The following SMG1 variants were observed in gnomAD, a reference collection of about 807,000 sequenced individuals.
SMG1 encodes the protein serine/threonine-protein kinase SMG1.
A neutral mutation model predicts 419.9 loss-of-function variants in SMG1; 22 were observed. The ratio of observed to expected loss-of-function variants is 0.05; its 90% confidence interval spans 0.04 to 0.07. The LOEUF is 0.07. Among genes scored for constraint, SMG1 ranks in the 10% least tolerant of loss-of-function variants. The probability of loss-of-function intolerance (pLI) is 1.00; values close to 1 mark genes in which losing one functional copy is unlikely to be tolerated. For synonymous variants in SMG1, 1,538 were observed against 1,553.5 expected (o/e 0.99, Z 0.23); for missense variants, 3,185 against 4,342.0 (o/e 0.73, Z 7.49).
At chr16:18,904,636 C>CA (rs1186316366) in intron 1 of SMG1, among the ~76,000 whole-genome samples, 13 of 137,446 alleles carry the variant, frequency 9.5e-5, no homozygotes, top group South Asian at 2.4e-4. Flanking sequence ...GACTCTGTCT[C>CA]AAAAAAAAAT....
In SMG1 at chr16:18,841,552, T is replaced by A. The variant is rs2033928997; in HGVS notation, c.6696+13A>T. The A allele has an allele frequency of 6.2e-7, 1 of 1,608,874 alleles. No individual in the cohort carries two copies. The highest frequency in any genetic ancestry group is 1.1e-5 in the South Asian group (1 of 90,978). ...AGAATAGACTAATACACTGTGTAGA[T>A]GATTTAATCAACCTTTTGTGCTTGT... On this transcript the variant is annotated intron_variant, in intron 41 of 62. Coordinates refer to ENST00000446231, the MANE Select transcript of SMG1 (RefSeq NM_015092.5).
chr16:18,896,648 G>A (rs2037140305), intron 2 of SMG1, 145 bp downstream of exon 2: 4 of 592,310 alleles, frequency 6.8e-6, no homozygotes, highest in Non-Finnish European at 1.2e-5. Flanking sequence ...AATGTCCTAT[G>A]AGGTTTTCAG....
At chr16:18,838,807 A>G in intron 42 of SMG1, 118 bp from the exon 43 acceptor site, 1 of 703,006 alleles carries the variant, frequency 1.4e-6, no homozygotes, top group Non-Finnish European at 2.4e-6. Flanking sequence ...ATTTTAAAAT[A>G]AATCAACAAA....
chr16:18,913,516 A>T (rs1290717445), intron 1 of SMG1, among the ~76,000 whole-genome samples: 2 of 152,080 alleles, frequency 1.3e-5, no homozygotes, highest in African/African-American at 4.8e-5. Flanking sequence ...AAATGTTAGC[A>T]ATGTTATCAA....
chr16:18,817,251 C>T (rs2032097988), intron 57 of SMG1, 40 bp downstream of exon 57: 2 of 1,535,512 alleles, frequency 1.3e-6, no homozygotes, highest in Non-Finnish European at 1.8e-6. Flanking sequence ...TAGTATAACA[C>T]TAGCCTTATT....
At chr16:18,812,195 G>A (rs1302582536) in intron 60 of SMG1, 68 bp from the exon 61 acceptor site, 3 of 1,479,322 alleles carry the variant, frequency 2.0e-6, no homozygotes, top group Non-Finnish European at 2.8e-6. Flanking sequence ...AGTGGAGCAA[G>A]CACGGGATAG....
Position 18,863,655 on chromosome 16 carries a change from A to G in SMG1, c.3690T>C (p.Tyr1230=). 1 of 1,594,010 alleles carries G rather than the reference A, an allele frequency of 6.3e-7. No homozygotes were observed. The highest frequency in any genetic ancestry group is 8.5e-7 in the Non-Finnish European group (1 of 1,177,578). The change falls in exon 25 of 63, where the codon TAT becomes TAC. Residue 1230 remains tyrosine (Y), a synonymous_variant. Coordinates refer to ENST00000446231, the MANE Select transcript of SMG1 (RefSeq NM_015092.5). The part of the protein sequence containing the change: ...TSLNLKADFN[Y]IKSLSSFESG... ...CTGGAAAAAGTAAGCCTTACTTTAT[A>G]TAGTTGAAGTCAGCTTTCAGGTTGA...
Position 18,815,272 on chromosome 16 carries a change from A to T in SMG1, c.10524T>A (p.Asn3508Lys), listed in dbSNP as rs2031896859. 1.3e-6 allele frequency: 2 copies of T among 1,576,140 alleles called. No individual in the cohort carries two copies. The highest frequency in any genetic ancestry group is 2.3e-5 in the South Asian group (2 of 86,214). ...ELKTQSQSIY[N>K]NLVSFASPLV... is the part of the protein sequence containing the mutation. ...AGGGTGATGCAAAACTCACTAAATT[A>T]TTATAGATACTGAAATACAAAATAA... The change falls in exon 60 of 63, where the codon AAT becomes AAA. Residue 3508 changes from asparagine (N) to lysine (K), a missense_variant. By Grantham distance (94) the Asn-to-Lys change is moderately conservative (BLOSUM62 0). Around this residue, in one of 27 missense-constraint regions of SMG1, gnomAD observed 737 missense variants for 846.6 expected, o/e 0.87. Transcript: ENST00000446231.
intron 6 of SMG1, among the ~76,000 whole-genome samples, chr16:18,885,924 C>A (rs2036593608): frequency 6.6e-6 from 1 of 151,736 alleles, no homozygotes; most frequent in Non-Finnish European, 1.5e-5. Flanking sequence ...CCAGCCTGGA[C>A]AATACAGCCA....
intron 22 of SMG1, among the ~76,000 whole-genome samples, 198 bp from the exon 23 acceptor site, chr16:18,866,973 T>C (rs2035545991): frequency 6.6e-6 from 1 of 152,156 alleles, no homozygotes; most frequent in Non-Finnish European, 1.5e-5. Context: ...AACAGAACCT[T>C]AGCAGCACAT....
rs1291022510 is a variant in SMG1 at position 18,805,959 on chromosome 16, G to A, written c.*3610C>T. 1 of 152,556 alleles carries A rather than the reference G, an allele frequency of 6.6e-6. No homozygotes were observed. The highest frequency in any genetic ancestry group is 1.5e-5 in the Non-Finnish European group (1 of 68,030). 9.5% of individuals were successfully genotyped at this position (152,556 alleles called of 1,614,324 possible). On this transcript the variant is annotated 3_prime_UTR_variant, in exon 63 of 63. Coordinates refer to ENST00000446231, the MANE Select transcript of SMG1 (RefSeq NM_015092.5). ...TATGAAAATAATTGGGAGAAAAGAAGAACCAGCTCCTTTGATTTCAGTACT... is the reference window on the plus strand; with the variant it reads ...TATGAAAATAATTGGGAGAAAAGAAAAACCAGCTCCTTTGATTTCAGTACT...
intron 10 of SMG1, among the ~76,000 whole-genome samples, chr16:18,881,060 G>A (rs890961980): frequency 2.7e-5 from 4 of 150,280 alleles, no homozygotes; most frequent in African/African-American, 4.9e-5. Flanking sequence ...CAAGATTACA[G>A]TGAGCTATGA....
intron 1 of SMG1, among the ~76,000 whole-genome samples, chr16:18,900,365 A>G (rs558255850): frequency 6.6e-6 from 1 of 152,340 alleles, no homozygotes; most frequent in Non-Finnish European, 1.5e-5. Context: ...CAAATCTAGG[A>G]GGCCATTCGT....
intron 51 of SMG1, among the ~76,000 whole-genome samples, chr16:18,832,694 A>G (rs1247260822): frequency 6.6e-6 from 1 of 152,122 alleles, no homozygotes; most frequent in Non-Finnish European, 1.5e-5. Context: ...GTTACTATAG[A>G]TACTAACACT....
chr16:18,814,604 T>G (rs1051843372), intron 60 of SMG1, among the ~76,000 whole-genome samples: 1 of 152,130 alleles, frequency 6.6e-6, no homozygotes, highest in Non-Finnish European at 1.5e-5. Context: ...AGACAGAGTC[T>G]TGCTCTGTCA....
chr16:18,829,233 T>G, intron 54 of SMG1, 53 bp downstream of exon 54: 1 of 1,435,618 alleles, frequency 7.0e-7, no homozygotes, highest in Admixed American at 2.5e-5. Context: ...ATTTCCCCCA[T>G]TTTTCAAGTT....
At chr16:18,900,270 A>T (rs539431397) in intron 1 of SMG1, among the ~76,000 whole-genome samples, 3 of 152,358 alleles carry the variant, frequency 2.0e-5, no homozygotes, top group East Asian at 3.9e-4. Flanking sequence ...AGAGAATTTA[A>T]ATGTTAACTG....
In SMG1 at chr16:18,808,365, A is replaced by C. The variant is rs1186047766; in HGVS notation, c.*1204T>G. On this transcript the variant is annotated 3_prime_UTR_variant, in exon 63 of 63. Coordinates refer to ENST00000446231, the MANE Select transcript of SMG1 (RefSeq NM_015092.5). ...TCCTAAAATGCCAAGTAAATTAAAC[A>C]ACTTTTAATTTACTAAGTGTAAATT... The C allele has an allele frequency of 5.9e-5, 9 of 152,232 alleles. No individual in the cohort carries two copies. Among genetic ancestry groups the C allele is most frequent in the Admixed American group, 5.9e-4 (9 of 15,282 alleles). The allele number at this position is 152,232 out of a possible 1,614,324, so 9.4% of individuals were successfully genotyped here. A position where few individuals can be genotyped will look rare whatever the true frequency, so the allele number is the denominator to read the frequency against.
intron 1 of SMG1, among the ~76,000 whole-genome samples, chr16:18,905,260 C>CAAAACAA (rs1033151053): frequency 6.6e-6 from 1 of 152,114 alleles, no homozygotes; most frequent in Admixed American, 6.5e-5. Flanking sequence ...GACTCTGACT[C>CAAAACAA]AAAACAAAAA....
Sources: allele counts gnomAD v4.1 joint callset (sites outside exome capture counted in the v4.1 genomes callset), GRCh38; gene constraint gnomAD v4.1.1; regional missense constraint gnomAD v4.1.1; transcripts MANE v1.5; gene names NCBI Gene and HGNC (gene_info 2026-07-23, HGNC 2026-07-21).